TMF1: variants seen among roughly 807,000 people sequenced by gnomAD.
The protein encoded by TMF1 is TATA element modulatory factor 1.
TMF1 carries 71 observed loss-of-function variants against 126.5 expected under a neutral mutation model. The ratio of observed to expected loss-of-function variants is 0.56; its 90% CI spans 0.46 to 0.68. The LOEUF is 0.68. Among genes scored for constraint, TMF1 ranks in the 30% least tolerant of loss-of-function variants. The pLI, the probability that TMF1 is intolerant of heterozygous loss-of-function variation, is 0.00. For missense variants in TMF1, 1,259 were observed against 1,253.2 expected (o/e 1.00, Z -0.07); for synonymous variants, 461 against 430.5 (o/e 1.07, Z -0.88).
At chr3:69,049,099 G>T (rs1271513291) in intron 1 of TMF1, 1 of 153,458 alleles carries the variant, frequency 6.5e-6, no homozygotes, top group East Asian at 1.9e-4. Context: ...CTCAAAAACT[G>T]AACTCAGTGG....
chr3:69,048,962 T>C (rs1559636458), intron 1 of TMF1: 1 of 159,896 alleles, frequency 6.3e-6, no homozygotes, highest in Non-Finnish European at 1.4e-5. Context: ...TAAACTAATA[T>C]GGAACTAACT....
At position 69,025,723 on chromosome 3, in the gene TMF1, TAAGA is replaced by T. The variant is rs1559628389; in HGVS notation, c.2860-15_2860-12del. The T allele has an allele frequency of 6.2e-7, 1 of 1,608,718 alleles. No individual in the cohort carries two copies. Among genetic ancestry groups the T allele is most frequent in the Non-Finnish European group, 8.5e-7 (1 of 1,178,018 alleles). The stretch of plus-strand genomic sequence containing the variant: ...ATCATGAGACTCATCCTATGTTAAT[TAAGA>T]AAGTTCACACAGTTACTCAGTTATC... On this transcript the variant is annotated splice_polypyrimidine_tract_variant and intron_variant, in intron 14 of 16. Transcript: ENST00000398559.
chr3:69,028,391 T>C (rs960378809), intron 11 of TMF1, 96 bp from the exon 12 acceptor site: 6 of 727,380 alleles, frequency 8.2e-6, no homozygotes, highest in South Asian at 1.9e-5. Flanking sequence ...CAGCTACATA[T>C]TGAGAAATCA....
chr3:69,045,986 G>A (rs1432544395), intron 2 of TMF1, among the ~76,000 whole-genome samples: 1 of 151,964 alleles, frequency 6.6e-6, no homozygotes, highest in African/African-American at 2.4e-5. Context: ...AGCCCAGGAG[G>A]TCAAGGCTGC....
chr3:69,026,612 C>G (rs1575808059), intron 13 of TMF1, among the ~76,000 whole-genome samples: 1 of 151,804 alleles, frequency 6.6e-6, no homozygotes, highest in East Asian at 1.9e-4. Context: ...AAGAGTAAAA[C>G]TCAGTCTCCA....
chr3:69,039,426 G>T, intron 6 of TMF1, 125 bp downstream of exon 6: 1 of 1,100,782 alleles, frequency 9.1e-7, no homozygotes, highest in East Asian at 2.7e-5. Flanking sequence ...TTTATCTATT[G>T]TTTGAAAAAT....
At chr3:69,026,671 G>C (rs1009760809) in intron 13 of TMF1, among the ~76,000 whole-genome samples, 5 of 150,766 alleles carry the variant, frequency 3.3e-5, no homozygotes, top group African/African-American at 1.2e-4. Flanking sequence ...TAAAACTGTA[G>C]CTAGACTTGG....
At chr3:69,029,070 G>A (rs535589916) in intron 11 of TMF1, among the ~76,000 whole-genome samples, 2 of 148,496 alleles carry the variant, frequency 1.3e-5, no homozygotes, top group East Asian at 4.0e-4. Context: ...ACGGAGTCTC[G>A]CTCTGCTGCC....
At position 69,051,949 on chromosome 3, in the gene TMF1, C is replaced by G. The variant is rs1181922890; in HGVS notation, c.138G>C (p.Glu46Asp). The change falls in exon 1 of 17, where the codon GAG (glutamate) becomes GAC (aspartate). Residue 46 changes from glutamate (E) to aspartate (D), a missense_variant. Glu to Asp is a conservative substitution (Grantham distance 45). Transcript: ENST00000398559. ...SIWAETIPYG[E>D]PGISSPVSGG... The stretch of plus-strand genomic sequence containing the variant: ...CCCCGCTCCTCTCTCTCTTACCCGG[C>G]TCTCCATACGGAATGGTCTCGGCCC... 1 of 1,613,046 alleles carries G rather than the reference C, an allele frequency of 6.2e-7. No individual in the cohort carries two copies. Among genetic ancestry groups the G allele is most frequent in the East Asian group, 2.2e-5 (1 of 44,818 alleles).
At chr3:69,044,081 TAGAA>T (rs1039127747) in intron 3 of TMF1, among the ~76,000 whole-genome samples, 3 of 152,164 alleles carry the variant, frequency 2.0e-5, no homozygotes, top group African/African-American at 4.8e-5. Context: ...GAAAATCTGT[TAGAA>T]AGAGAAAATG....
intron 9 of TMF1, 177 bp downstream of exon 9, chr3:69,034,846 T>G: frequency 8.2e-6 from 5 of 611,268 alleles, no homozygotes; most frequent in Non-Finnish European, 1.5e-5. Flanking sequence ...GGAATTTCCT[T>G]GTATAATTTT....
chr3:69,035,250 T>A, intron 8 of TMF1, 135 bp from the exon 9 acceptor site: 1 of 656,620 alleles, frequency 1.5e-6, no homozygotes, highest in Non-Finnish European at 2.6e-6. Flanking sequence ...CTTTTACATA[T>A]GATTATCACA....
intron 10 of TMF1, among the ~76,000 whole-genome samples, chr3:69,032,635 C>T (rs2091809409): frequency 7.2e-6 from 1 of 139,820 alleles, no homozygotes; most frequent in Non-Finnish European, 1.5e-5. Flanking sequence ...TTTTGAGATG[C>T]AGTCTCGCTC....
intron 16 of TMF1, 36 bp from the exon 17 acceptor site, chr3:69,023,356 C>G: frequency 6.6e-7 from 1 of 1,516,196 alleles, no homozygotes. Flanking sequence ...TTTAAAATAA[C>G]TACACAGAAC....
At position 69,033,182 on chromosome 3, in the gene TMF1, G is replaced by GA. The variant is rs1253864518; in HGVS notation, c.2401+365dup. On this transcript the variant is annotated intron_variant, in intron 10 of 16. Transcript: ENST00000398559. Reference sequence around the variant, plus strand: ...CCAGCTACTCAGGAGGCTGAGGCAGGAGAATTGTGTGAACCTGGGAGGCGG... The same window carrying GA: ...CCAGCTACTCAGGAGGCTGAGGCAGGAAGAATTGTGTGAACCTGGGAGGCGG... 7.3e-4 allele frequency among the ~76,000 whole-genome samples: 111 copies of GA among 151,630 alleles called. 2 individuals are homozygous for GA. The highest frequency in any genetic ancestry group is 2.4e-3 in the African/African-American group (101 of 41,316).
chr3:69,037,410 C>G (rs547761477), intron 8 of TMF1, among the ~76,000 whole-genome samples: 2 of 151,950 alleles, frequency 1.3e-5, no homozygotes, highest in Non-Finnish European at 1.5e-5. Context: ...GAGGCGGAGG[C>G]GGGTGGATCA....
intron 5 of TMF1, 55 bp from the exon 6 acceptor site, chr3:69,039,748 A>C: frequency 1.9e-6 from 3 of 1,547,846 alleles, no homozygotes; most frequent in Non-Finnish European, 2.6e-6. Context: ...TAAAAATCTC[A>C]ATAGAATGTT....
chr3:69,021,816 G>T lies in TMF1; in HGVS notation c.*1361C>A, dbSNP rs1265480337. The T allele has an allele frequency of 6.6e-6, 1 of 152,058 alleles. No homozygotes were observed. The highest frequency in any genetic ancestry group is 1.5e-5 in the Non-Finnish European group (1 of 68,054). 9.4% of individuals were successfully genotyped at this position (152,058 alleles called of 1,614,324 possible). On this transcript the variant is annotated 3_prime_UTR_variant, in exon 17 of 17. Coordinates refer to ENST00000398559, the MANE Select transcript of TMF1 (RefSeq NM_007114.3). ...CTGCCTCAGCCTCCCGAGTAGCTAG[G>T]ATTACAGGCGCACACCACCACGCCA... is the stretch of plus-strand genomic sequence containing the variant.
chr3:69,040,327 T>A (rs1263285403), intron 5 of TMF1: 1 of 152,240 alleles, frequency 6.6e-6, no homozygotes, highest in Non-Finnish European at 1.5e-5. Context: ...AGGATTAATA[T>A]TAAAATATAT....
Sources: allele counts gnomAD v4.1 joint callset (sites outside exome capture counted in the v4.1 genomes callset), GRCh38; gene constraint gnomAD v4.1.1; transcripts MANE v1.5; gene names NCBI Gene and HGNC (gene_info 2026-07-23, HGNC 2026-07-21).